Variants in KIF26B observed in about 807,000 individuals in gnomAD.
KIF26B encodes kinesin family member 26B.
KIF26B carries 63 observed loss-of-function variants against 151.2 expected under a neutral mutation model. The ratio of observed to expected loss-of-function variants is 0.42; its 90% CI spans 0.34 to 0.51. The LOEUF (loss-of-function observed/expected upper bound fraction) is 0.51, where lower values mean the gene tolerates loss of function less well. KIF26B is among the 20% of genes least tolerant of loss of function. KIF26B has a pLI of 0.07. For synonymous variants in KIF26B, 1,357 were observed against 1,262.1 expected, an observed-to-expected ratio of 1.08 and a Z score of -1.59; for missense variants, 2,813 against 2,913.6, an observed-to-expected ratio of 0.97 and a Z score of 0.79.
intron 4 of KIF26B, among the ~76,000 whole-genome samples, chr1:245,426,205 C>T (rs990062984): frequency 6.6e-6 from 1 of 151,686 alleles, no homozygotes; most frequent in Non-Finnish European, 1.5e-5. Flanking sequence ...CTCTCCCTCC[C>T]TCCTCCCTCC....
intron 2 of KIF26B, among the ~76,000 whole-genome samples, chr1:245,331,820 C>T (rs1300126470): frequency 6.6e-6 from 1 of 152,164 alleles, no homozygotes; most frequent in African/African-American, 2.4e-5. Flanking sequence ...GTGAGATTTA[C>T]TTTGGTCTGA....
chr1:245,525,882 A>G (rs1661227705), intron 4 of KIF26B, among the ~76,000 whole-genome samples: 1 of 152,136 alleles, frequency 6.6e-6, no homozygotes, highest in Admixed American at 6.6e-5. Context: ...AGTATTTTAA[A>G]CCTATCTGAG....
intron 4 of KIF26B, among the ~76,000 whole-genome samples, chr1:245,521,016 G>C (rs1312019869): frequency 6.6e-6 from 1 of 152,106 alleles, no homozygotes; most frequent in Admixed American, 6.6e-5. Flanking sequence ...GAATGCTTAA[G>C]AGGTTGGACT....
chr1:245,657,330 C>T (rs138288062), intron 10 of KIF26B, among the ~76,000 whole-genome samples: 93 of 152,280 alleles, frequency 6.1e-4, no homozygotes, highest in Middle Eastern at 3.4e-3. Context: ...CCTGAAATCG[C>T]GCGCTGAGAA....
rs368218423 is a variant in KIF26B at position 245,163,554 on chromosome 1, AT to A, written c.465+6882del. 1.3e-3 allele frequency among the ~76,000 whole-genome samples: 195 copies of A among 147,606 alleles called. 1 individual carries two copies. The highest frequency in any genetic ancestry group is 4.2e-3 in the African/African-American group (170 of 40,632). On this transcript the variant is annotated intron_variant, in intron 2 of 14. Transcript: ENST00000407071. ...CTAGGAGTTTCCTTGCCTAACTCCA[AT>A]TTTTTTTTTTGTTAGGACCGTGTTG...
At chr1:245,214,641 C>T (rs1223003811) in intron 2 of KIF26B, among the ~76,000 whole-genome samples, 1 of 152,080 alleles carries the variant, frequency 6.6e-6, no homozygotes, top group Non-Finnish European at 1.5e-5. Flanking sequence ...GAGTTTGAGA[C>T]CAGCCTGGGC....
chr1:245,645,953 A>ATT, intron 9 of KIF26B, 168 bp from the exon 10 acceptor site: 1 of 640,012 alleles, frequency 1.6e-6, no homozygotes, highest in South Asian at 2.1e-5. Flanking sequence ...GACCAATGCT[A>ATT]TTTGCAACCC....
chr1:245,311,770 C>T (rs955275157), intron 2 of KIF26B, among the ~76,000 whole-genome samples: 1 of 151,828 alleles, frequency 6.6e-6, no homozygotes, highest in Non-Finnish European at 1.5e-5. Context: ...CTGTCTCTAC[C>T]AAAAGTACAA....
At chr1:245,181,159 T>G (rs1282196928) in intron 2 of KIF26B, among the ~76,000 whole-genome samples, 1 of 152,174 alleles carries the variant, frequency 6.6e-6, no homozygotes, top group Non-Finnish European at 1.5e-5. Flanking sequence ...TTTTTTCCCT[T>G]GAAATCACTT....
At chr1:245,680,785 C>T (rs1196818602) in intron 10 of KIF26B, among the ~76,000 whole-genome samples, 1 of 152,196 alleles carries the variant, frequency 6.6e-6, no homozygotes, top group East Asian at 1.9e-4. Flanking sequence ...TTCTCCGACA[C>T]GGGCAGAGGG....
intron 3 of KIF26B, among the ~76,000 whole-genome samples, chr1:245,369,195 G>GAGAGAGAGACAGACAGACAGACAGAC (rs375330671): frequency 7.7e-6 from 1 of 129,504 alleles, no homozygotes; most frequent in Non-Finnish European, 1.7e-5. Context: ...GAGAGAGAGA[G>GAGAGAGAGACAGACAGACAGACAGAC]AGACAGACAG....
intron 4 of KIF26B, among the ~76,000 whole-genome samples, chr1:245,439,889 G>C (rs1412604288): frequency 6.6e-6 from 1 of 152,158 alleles, no homozygotes; most frequent in African/African-American, 2.4e-5. Flanking sequence ...CCTTACCCTT[G>C]GGCAAAGTGA....
At chr1:245,638,975 C>G in intron 9 of KIF26B, among the ~76,000 whole-genome samples, 1 of 151,564 alleles carries the variant, frequency 6.6e-6, no homozygotes, top group South Asian at 2.1e-4. Context: ...GAAATAAGGT[C>G]AGGGTGGCCT....
intron 2 of KIF26B, among the ~76,000 whole-genome samples, chr1:245,257,241 C>T (rs1435537696): frequency 1.3e-5 from 2 of 152,186 alleles, no homozygotes; most frequent in African/African-American, 4.8e-5. Flanking sequence ...AAGCAATGTA[C>T]ATCTTACATG....
At position 245,686,308 on chromosome 1, in the gene KIF26B, A is replaced by G. The variant is rs1195832872; in HGVS notation, c.3325A>G (p.Lys1109Glu). Reference sequence around the variant, plus strand: ...TCCCGCCCCACTGCCTCCCTCGAGCAAGGATTCCGGCGTGGCGTCTAGGGA... The same window carrying G: ...TCCCGCCCCACTGCCTCCCTCGAGCGAGGATTCCGGCGTGGCGTCTAGGGA... ...PSPAPLPPSSKDSGVASRESL... is the reference protein window; with the variant it reads ...PSPAPLPPSSEDSGVASRESL... Residue 1109 changes from lysine (K) to glutamate (E), a missense_variant, in exon 12 of 15, where the codon AAG (lysine) becomes GAG (glutamate). Transcript: ENST00000407071. The surrounding 1 kb of genome is among the most constrained non-coding windows in gnomAD (Gnocchi z 5.6). The G allele has an allele frequency of 1.2e-6, 2 of 1,613,052 alleles. No homozygotes were observed. The highest frequency in any genetic ancestry group is 1.7e-6 in the Non-Finnish European group (2 of 1,179,838).
chr1:245,347,555 C>T (rs1230474331), intron 2 of KIF26B, among the ~76,000 whole-genome samples: 1 of 152,218 alleles, frequency 6.6e-6, no homozygotes, highest in Non-Finnish European at 1.5e-5. Flanking sequence ...CTCCCGGGCT[C>T]AAGCAATCCT....
rs560176983 is a variant in KIF26B at position 245,575,458 on chromosome 1, G to C, written c.1351-27119G>C. Among the ~76,000 whole-genome samples, 76 of 151,030 alleles carry C rather than the reference G, an allele frequency of 5.0e-4. 1 individual carries two copies. The highest frequency in any genetic ancestry group is 1.8e-3 in the African/African-American group (73 of 41,052). On this transcript the variant is annotated intron_variant, in intron 5 of 14. Transcript: ENST00000407071. ...CCACTATACTCCAGCCTGGGCAACA[G>C]TGTGGGACTCCATCTCAAAAAAAAA...
chr1:245,666,069 T>G (rs956569374), intron 10 of KIF26B, among the ~76,000 whole-genome samples: 3 of 136,530 alleles, frequency 2.2e-5, no homozygotes, highest in Admixed American at 8.5e-5. Flanking sequence ...TGGTGCAATC[T>G]CAGCTCACTG....
intron 4 of KIF26B, among the ~76,000 whole-genome samples, chr1:245,469,062 A>G (rs1241177453): frequency 2.0e-5 from 3 of 152,082 alleles, no homozygotes; most frequent in Non-Finnish European, 4.4e-5. Flanking sequence ...TAGAAAGAGA[A>G]GGGTGGCTCT....
Sources: gnomAD v4.1 joint callset for allele counts (sites outside exome capture counted in the v4.1 genomes callset) on GRCh38, gnomAD v4.1.1 for gene constraint, Gnocchi (gnomAD v3.1) non-coding constraint, MANE v1.5 for transcripts, NCBI Gene and HGNC (gene_info 2026-07-23, HGNC 2026-07-21) for gene names.